CCSER1: variants seen among roughly 807,000 people sequenced by gnomAD.
CCSER1 encodes coiled-coil serine rich protein 1, also known as serine-rich coiled-coil domain-containing protein 1.
A neutral mutation model predicts 82.0 loss-of-function variants in CCSER1; 41 were observed. The observed-to-expected ratio is 0.50, with a 90% CI of 0.39 to 0.65. CCSER1 has a LOEUF of 0.65. CCSER1 is among the 30% of genes least tolerant of loss of function. The probability of loss-of-function intolerance (pLI) is 0.00; values close to 1 mark genes in which losing one functional copy is unlikely to be tolerated. For synonymous variants in CCSER1, 414 were observed against 383.9 expected (o/e 1.08, Z -0.92); for missense variants, 1,119 against 1,064.2 (o/e 1.05, Z -0.72).
chr4:91,052,790 C>G (rs1005949929), intron 9 of CCSER1, among the ~76,000 whole-genome samples: 1 of 152,020 alleles, frequency 6.6e-6, no homozygotes, highest in African/African-American at 2.4e-5. Flanking sequence ...AATGGATTTA[C>G]TCTAAACAGT....
chr4:90,286,653 AGTCTTGGACAGGGCTAG>A (rs1321430950), intron 1 of CCSER1, among the ~76,000 whole-genome samples: 4 of 152,076 alleles, frequency 2.6e-5, no homozygotes, highest in Non-Finnish European at 5.9e-5. Context: ...ACATTTTCTC[AGTCTTGGACAGGGCTAG>A]TGTTGGCTTA....
At chr4:90,932,828 CAA>C (rs70965459) in intron 9 of CCSER1, among the ~76,000 whole-genome samples, 1 of 25,178 alleles carries the variant, frequency 4.0e-5, no homozygotes. Flanking sequence ...ACTCCGTCTC[CAA>C]AAAAAAAAAA....
chr4:90,770,715 C>G (rs988047340), intron 7 of CCSER1, among the ~76,000 whole-genome samples: 5 of 152,110 alleles, frequency 3.3e-5, no homozygotes, highest in African/African-American at 9.7e-5. Context: ...AGCACTCTCT[C>G]TCACTACAAT....
chr4:91,477,885 G>T (rs372875283), intron 10 of CCSER1, among the ~76,000 whole-genome samples: 1 of 151,612 alleles, frequency 6.6e-6, no homozygotes, highest in Non-Finnish European at 1.5e-5. Flanking sequence ...TGAGCTAGAG[G>T]GCATATGGTT....
At chr4:90,800,272 T>C (rs1756623364) in intron 7 of CCSER1, among the ~76,000 whole-genome samples, 1 of 152,164 alleles carries the variant, frequency 6.6e-6, no homozygotes, top group Non-Finnish European at 1.5e-5. Flanking sequence ...CTTCTTATCA[T>C]TATTATTTTT....
chr4:90,488,998 C>T (rs1767553016), intron 5 of CCSER1, among the ~76,000 whole-genome samples: 1 of 152,088 alleles, frequency 6.6e-6, no homozygotes, highest in Non-Finnish European at 1.5e-5. Context: ...TACACAGAAT[C>T]ATAAATATAA....
chr4:90,128,365 G>C (rs1369166137), intron 1 of CCSER1, among the ~76,000 whole-genome samples: 1 of 152,194 alleles, frequency 6.6e-6, no homozygotes, highest in Non-Finnish European at 1.5e-5. Context: ...TCTTGCCTCC[G>C]CCTGCTTGTC....
chr4:90,942,090 G>A (rs867552601), intron 9 of CCSER1, among the ~76,000 whole-genome samples: 5 of 152,004 alleles, frequency 3.3e-5, no homozygotes, highest in Admixed American at 1.3e-4. Flanking sequence ...TGGGACTAGA[G>A]GCACACACCA....
At chr4:91,055,302 TTGA>T (rs1392040622) in intron 9 of CCSER1, among the ~76,000 whole-genome samples, 2 of 152,324 alleles carry the variant, frequency 1.3e-5, no homozygotes, top group Middle Eastern at 3.4e-3. Context: ...TTTTTAGTTG[TTGA>T]TATCACAAAA....
At chr4:90,856,016 A>G (rs1344972264) in intron 8 of CCSER1, among the ~76,000 whole-genome samples, 1 of 152,148 alleles carries the variant, frequency 6.6e-6, no homozygotes, top group Non-Finnish European at 1.5e-5. Context: ...AAGACAAGGC[A>G]TTGTCAATAT....
At chr4:90,553,664 G>C (rs1777784710) in intron 5 of CCSER1, among the ~76,000 whole-genome samples, 1 of 151,998 alleles carries the variant, frequency 6.6e-6, no homozygotes, top group Non-Finnish European at 1.5e-5. Flanking sequence ...CATTTTAATT[G>C]GTTATAAATA....
chr4:90,835,758 A>G (rs911323444), intron 8 of CCSER1, among the ~76,000 whole-genome samples: 1 of 152,216 alleles, frequency 6.6e-6, no homozygotes, highest in Non-Finnish European at 1.5e-5. Context: ...ATATAGTTTT[A>G]ATTTTGCCAA....
At chr4:91,521,624 T>G (rs1760477577) in intron 10 of CCSER1, among the ~76,000 whole-genome samples, 1 of 152,234 alleles carries the variant, frequency 6.6e-6, no homozygotes, top group Non-Finnish European at 1.5e-5. Context: ...ATTTCTCTGA[T>G]GACCAGTGAT....
intron 10 of CCSER1, among the ~76,000 whole-genome samples, chr4:91,142,254 G>C (rs1729112143): frequency 6.6e-6 from 1 of 152,142 alleles, no homozygotes; most frequent in South Asian, 2.1e-4. Flanking sequence ...CCCTGAACAA[G>C]CTCTCTCTTG....
chr4:90,368,641 A>G (rs994818566), intron 3 of CCSER1, among the ~76,000 whole-genome samples: 16 of 151,818 alleles, frequency 1.1e-4, no homozygotes, highest in Non-Finnish European at 2.1e-4. Flanking sequence ...CAAAACAAAA[A>G]CAAAGTCTTT....
intron 10 of CCSER1, among the ~76,000 whole-genome samples, chr4:91,593,462 C>A (rs1053040786): frequency 6.9e-5 from 9 of 130,886 alleles, no homozygotes; most frequent in Non-Finnish European, 1.5e-4. Context: ...GTTTTCAACC[C>A]CGTGCTTTTT....
intron 10 of CCSER1, among the ~76,000 whole-genome samples, chr4:91,346,264 C>T (rs1388555652): frequency 6.6e-6 from 1 of 152,144 alleles, no homozygotes; most frequent in Non-Finnish European, 1.5e-5. Context: ...ACCCGCCTAC[C>T]TCAGCCTCCC....
intron 10 of CCSER1, among the ~76,000 whole-genome samples, chr4:91,249,938 A>G (rs1033082468): frequency 7.1e-6 from 1 of 141,330 alleles, no homozygotes; most frequent in Non-Finnish European, 1.5e-5. Flanking sequence ...AAAAGATTGT[A>G]GTCCTGAATA....
At chr4:91,165,282 TTTCAGAACAGCAAATAC>T (rs1401041584) in intron 10 of CCSER1, among the ~76,000 whole-genome samples, 1 of 152,208 alleles carries the variant, frequency 6.6e-6, no homozygotes, top group African/African-American at 2.4e-5. Context: ...ACAGCAAATA[TTTCAGAACAGCAAATAC>T]TGCTGCCTGA....
Sources: gnomAD v4.1 joint callset for allele counts (sites outside exome capture counted in the v4.1 genomes callset) on GRCh38, gnomAD v4.1.1 for gene constraint, MANE v1.5 for transcripts, NCBI Gene and HGNC (gene_info 2026-07-23, HGNC 2026-07-21) for gene names.